The following HCN1 variants were observed in gnomAD, a reference collection of about 807,000 sequenced individuals.
The protein encoded by HCN1 is potassium/sodium hyperpolarization-activated cyclic nucleotide-gated channel 1.
HCN1 carries 13 observed loss-of-function variants against 78.9 expected under a neutral mutation model. The observed-to-expected ratio is 0.16, with a 90% CI of 0.11 to 0.26. The LOEUF is 0.26. HCN1 is among the 10% of genes least tolerant of loss of function. HCN1 has a pLI of 1.00. For synonymous variants in HCN1, 552 were observed against 455.5 expected (o/e 1.21, Z -2.70); for missense variants, 810 against 1,154.3 (o/e 0.70, Z 4.32).
intron 4 of HCN1, among the ~76,000 whole-genome samples, chr5:45,372,065 T>TTA (rs1237220668): frequency 5.0e-5 from 2 of 39,728 alleles, no homozygotes; most frequent in Admixed American, 4.3e-4. Flanking sequence ...TATAATTATA[T>TTA]TATATATTAT....
intron 5 of HCN1, among the ~76,000 whole-genome samples, chr5:45,346,071 G>T (rs571995683): frequency 6.6e-6 from 1 of 152,130 alleles, no homozygotes; most frequent in African/African-American, 2.4e-5. Context: ...AAGAAGTATC[G>T]ACCAAAAGGG....
chr5:45,375,932 T>C (rs1427410045), intron 4 of HCN1, among the ~76,000 whole-genome samples: 10 of 121,554 alleles, frequency 8.2e-5, no homozygotes, highest in Admixed American at 4.8e-4. Flanking sequence ...ATATATGATA[T>C]AATATTTTAT....
intron 2 of HCN1, among the ~76,000 whole-genome samples, chr5:45,622,660 G>T (rs1745091811): frequency 6.6e-6 from 1 of 151,914 alleles, no homozygotes; most frequent in Non-Finnish European, 1.5e-5. Context: ...AAAAGAAAAA[G>T]AGATAAAAAG....
intron 2 of HCN1, among the ~76,000 whole-genome samples, chr5:45,473,178 T>C (rs1360506912): frequency 6.6e-6 from 1 of 151,970 alleles, no homozygotes; most frequent in African/African-American, 2.4e-5. Context: ...TGGTAATATT[T>C]TGTTCCAATA....
At chr5:45,323,708 C>A (rs890147096) in intron 5 of HCN1, among the ~76,000 whole-genome samples, 2 of 151,876 alleles carry the variant, frequency 1.3e-5, no homozygotes, top group Non-Finnish European at 2.9e-5. Context: ...AATGCTATCC[C>A]TCCCCCATCC....
chr5:45,685,480 G>T (rs887912883), intron 1 of HCN1, among the ~76,000 whole-genome samples: 2 of 152,160 alleles, frequency 1.3e-5, no homozygotes, highest in Non-Finnish European at 2.9e-5. Context: ...TTAGGAGGCC[G>T]AGCCGGGCGG....
intron 2 of HCN1, among the ~76,000 whole-genome samples, chr5:45,473,063 T>C (rs1272943884): frequency 1.3e-5 from 2 of 151,980 alleles, no homozygotes; most frequent in African/African-American, 4.8e-5. Context: ...CTCTTTTCCT[T>C]GCTCATCATC....
rs541038919 is a variant in HCN1, at chr5:45,355,367, T to C, written c.1231-2121A>G. ...AACCACCAATAGCACTTGGGAATTC[T>C]TTATAAATACACATTCACAGTCTCC... is the stretch of plus-strand genomic sequence containing the variant. On this transcript the variant is annotated intron_variant, in intron 4 of 7. Coordinates refer to ENST00000303230, the MANE Select transcript of HCN1 (RefSeq NM_021072.4). Among the ~76,000 whole-genome samples, 5 of 152,100 alleles carry C rather than the reference T, an allele frequency of 3.3e-5. No individual in the cohort carries two copies. In the East Asian group the frequency reaches 9.7e-4, roughly 29 times the overall value.
intron 2 of HCN1, among the ~76,000 whole-genome samples, chr5:45,621,105 T>C (rs574561346): frequency 4.6e-5 from 7 of 152,306 alleles, no homozygotes; most frequent in East Asian, 1.9e-4. Context: ...CAAACAATGA[T>C]TCTGGGTTGA....
intron 1 of HCN1, among the ~76,000 whole-genome samples, chr5:45,677,555 G>A (rs544129081): frequency 3.9e-4 from 60 of 151,980 alleles, no homozygotes; most frequent in Non-Finnish European, 7.8e-4. Flanking sequence ...TATTTAAAAA[G>A]AAGGAGGTTA....
At chr5:45,546,669 G>T (rs1217478119) in intron 2 of HCN1, among the ~76,000 whole-genome samples, 1 of 151,476 alleles carries the variant, frequency 6.6e-6, no homozygotes, top group African/African-American at 2.4e-5. Context: ...CTCCTTTCCT[G>T]TATTCTTGGG....
chr5:45,409,481 G>T (rs552074793), intron 3 of HCN1, among the ~76,000 whole-genome samples: 3 of 152,014 alleles, frequency 2.0e-5, no homozygotes, highest in African/African-American at 7.2e-5. Context: ...GTTAAAAAGA[G>T]CTTTCCCATT....
intron 1 of HCN1, among the ~76,000 whole-genome samples, chr5:45,665,311 G>A (rs192847621): frequency 2.5e-5 from 3 of 118,596 alleles, no homozygotes; most frequent in Non-Finnish European, 5.1e-5. Flanking sequence ...GGTGGGGGGA[G>A]GGGGGAGGGA....
At chr5:45,439,104 C>T (rs994888757) in intron 3 of HCN1, among the ~76,000 whole-genome samples, 12 of 152,100 alleles carry the variant, frequency 7.9e-5, no homozygotes, top group South Asian at 2.1e-4. Context: ...CATTCTCACT[C>T]GTGATTATAT....
At chr5:45,658,673 G>C (rs368672111) in intron 1 of HCN1, among the ~76,000 whole-genome samples, 2 of 151,320 alleles carry the variant, frequency 1.3e-5, no homozygotes, top group South Asian at 2.1e-4. Flanking sequence ...TTCCCTTTCC[G>C]AGTCAAAGAA....
intron 1 of HCN1, among the ~76,000 whole-genome samples, chr5:45,658,425 A>C (rs2112052454): frequency 6.6e-6 from 1 of 152,342 alleles, no homozygotes; most frequent in Non-Finnish European, 1.5e-5. Flanking sequence ...GCATAGCAAA[A>C]GAAACTACCA....
At chr5:45,311,618 G>C (rs969452030) in intron 5 of HCN1, among the ~76,000 whole-genome samples, 1 of 152,222 alleles carries the variant, frequency 6.6e-6, no homozygotes, top group Non-Finnish European at 1.5e-5. Flanking sequence ...TATGGCATAA[G>C]TGTTATGATC....
At chr5:45,441,778 T>C (rs1324817531) in intron 3 of HCN1, among the ~76,000 whole-genome samples, 3 of 152,174 alleles carry the variant, frequency 2.0e-5, no homozygotes, top group Non-Finnish European at 4.4e-5. Flanking sequence ...GCAGTAAAGC[T>C]CTAGCTCTTG....
intron 1 of HCN1, among the ~76,000 whole-genome samples, chr5:45,649,494 T>TA (rs2112038176): frequency 6.6e-6 from 1 of 152,216 alleles, no homozygotes; most frequent in East Asian, 1.9e-4. Context: ...GGCAAATACA[T>TA]AGAGACATGT....
Sources: gnomAD v4.1 joint callset for allele counts (sites outside exome capture counted in the v4.1 genomes callset) on GRCh38, gnomAD v4.1.1 for gene constraint, MANE v1.5 for transcripts, NCBI Gene and HGNC (gene_info 2026-07-23, HGNC 2026-07-21) for gene names.